The following TMEM39A variants were observed in gnomAD, a reference collection of about 807,000 sequenced individuals.
TMEM39A encodes the protein transmembrane protein 39A.
Under a neutral mutation model 51.9 loss-of-function variants are expected in TMEM39A, and 19 were observed. The observed-to-expected ratio is 0.37, with a 90% CI of 0.26 to 0.54. The LOEUF is 0.54. Among genes scored for constraint, TMEM39A ranks in the 20% least tolerant of loss-of-function variants. The pLI is 0.88. For missense variants in TMEM39A, 433 were observed against 590.5 expected (o/e 0.73, Z 2.76); for synonymous variants, 197 against 220.2 (o/e 0.89, Z 0.93).
intron 4 of TMEM39A, chr3:119,451,187 G>T: frequency 8.4e-7 from 1 of 1,196,934 alleles, no homozygotes; most frequent in Non-Finnish European, 1.1e-6. Context: ...TTCCTACTGT[G>T]AAAAACAAGG....
At chr3:119,463,292 AG>A (rs2081364065) in intron 1 of TMEM39A, 43 bp downstream of exon 1, 1 of 313,770 alleles carries the variant, frequency 3.2e-6, no homozygotes, top group Admixed American at 5.0e-5. Context: ...GGGCCGAGGC[AG>A]GTCCAGGACA....
intron 5 of TMEM39A, among the ~76,000 whole-genome samples, chr3:119,444,884 G>A (rs983363320): frequency 6.6e-6 from 1 of 152,002 alleles, no homozygotes; most frequent in Non-Finnish European, 1.5e-5. Flanking sequence ...CCTCAGCCTG[G>A]GCAACATGGT....
intron 2 of TMEM39A, among the ~76,000 whole-genome samples, chr3:119,460,541 A>G (rs1277583415): frequency 6.6e-6 from 1 of 152,214 alleles, no homozygotes; most frequent in Non-Finnish European, 1.5e-5. Flanking sequence ...AAAGAAGACG[A>G]GGAAAACTCA....
At chr3:119,448,248 G>A (rs56710033) in intron 4 of TMEM39A, among the ~76,000 whole-genome samples, 18,132 of 152,038 alleles carry the variant, frequency 0.12, 2,693 homozygotes, top group African/African-American at 0.35. Context: ...TTAAGTACTT[G>A]TCAAAACTTA....
intron 5 of TMEM39A, among the ~76,000 whole-genome samples, chr3:119,445,967 C>T (rs1219354366): frequency 1.3e-5 from 2 of 152,120 alleles, no homozygotes; most frequent in African/African-American, 4.8e-5. Context: ...TTCCAACACC[C>T]CAGTGGATGC....
At chr3:119,438,593 A>T (rs900446457) in intron 5 of TMEM39A, among the ~76,000 whole-genome samples, 2 of 152,218 alleles carry the variant, frequency 1.3e-5, no homozygotes, top group Non-Finnish European at 2.9e-5. Flanking sequence ...ATTTTTAAAG[A>T]TACAATAGTA....
At chr3:119,441,174 AC>A (rs2081048528) in intron 5 of TMEM39A, among the ~76,000 whole-genome samples, 1 of 152,162 alleles carries the variant, frequency 6.6e-6, no homozygotes, top group Admixed American at 6.5e-5. Context: ...CCAACTAATA[AC>A]CCTAAATGGC....
At chr3:119,441,393 A>C (rs78052926) in intron 5 of TMEM39A, among the ~76,000 whole-genome samples, 23,236 of 152,192 alleles carry the variant, frequency 0.15, 2,088 homozygotes, top group South Asian at 0.22. Context: ...GGTAACAAAG[A>C]AAACAGCCTC....
intron 5 of TMEM39A, 197 bp downstream of exon 5, chr3:119,446,820 TG>T: frequency 1.7e-6 from 1 of 602,528 alleles, no homozygotes; most frequent in Non-Finnish European, 2.8e-6. Flanking sequence ...AGGACAGTCC[TG>T]GTTTATGCCT....
intron 8 of TMEM39A, among the ~76,000 whole-genome samples, chr3:119,433,117 CT>C (rs1402534881): frequency 2.0e-5 from 3 of 152,086 alleles, no homozygotes; most frequent in African/African-American, 7.2e-5. Flanking sequence ...GTGATCAGAT[CT>C]AAAATAACTA....
chr3:119,442,342 CA>C (rs34133941), intron 5 of TMEM39A, among the ~76,000 whole-genome samples: 1,403 of 101,590 alleles, frequency 0.014, 15 homozygotes, highest in South Asian at 0.095. Flanking sequence ...GACTCCATCT[CA>C]AAAAAAAAAA....
In TMEM39A at chr3:119,432,162, C is replaced by A; in HGVS notation, c.1286G>T (p.Gly429Val). ...ATAGAGCTGATAGAAGACGACACTG[C>A]CCTCAATAAGGATGAGCAGATTTAA... Reference protein sequence around the residue: ...RLLNLLILIEGSVVFYQLYSL... With the variant: ...RLLNLLILIEVSVVFYQLYSL... Residue 429 changes from glycine (G) to valine (V), a missense_variant, in exon 9 of 9, where the codon GGC becomes GTC. Transcript: ENST00000319172. 1 of 1,613,008 alleles carries A rather than the reference C, an allele frequency of 6.2e-7. No individual in the cohort carries two copies. The highest frequency in any genetic ancestry group is 8.5e-7 in the Non-Finnish European group (1 of 1,179,396).
At position 119,437,773 on chromosome 3, in the gene TMEM39A, G is replaced by A. The variant is rs1367098568; in HGVS notation, c.906C>T (p.Leu302=). ...CACTTACCTTCACAAAACACAGGGG[G>A]AGAAATGCAACATAGTAGGCACTGA... ...SLFSAYYVAF[L]PLCFVKSTQY... The change falls in exon 6 of 9, where the codon CTC becomes CTT. Residue 302 remains leucine, a synonymous_variant. Transcript: ENST00000319172. 5 of 1,550,736 alleles carry A rather than the reference G, an allele frequency of 3.2e-6. No homozygotes were observed. The Admixed American group carries it at 7.4e-5, about 23-fold the overall frequency.
chr3:119,442,685 T>C (rs1178642189), intron 5 of TMEM39A, among the ~76,000 whole-genome samples: 1 of 152,176 alleles, frequency 6.6e-6, no homozygotes, highest in Non-Finnish European at 1.5e-5. Flanking sequence ...CCTACCCTCA[T>C]GGATGACTTT....
Position 119,431,926 on chromosome 3 carries a change from A to C in TMEM39A, c.*55T>G. On this transcript the variant is annotated 3_prime_UTR_variant, in exon 9 of 9. Coordinates refer to ENST00000319172, the MANE Select transcript of TMEM39A (RefSeq NM_018266.3). The stretch of plus-strand genomic sequence containing the variant: ...TATTTATAAAAATCACAAGAAAAAA[A>C]TAGAACGTATGAAAATATTTTTATC... 2 of 1,187,098 alleles carry C rather than the reference A, an allele frequency of 1.7e-6. No homozygotes were observed. Among genetic ancestry groups the C allele is most frequent in the Non-Finnish European group, 2.3e-6 (2 of 859,622 alleles). 73.5% of individuals were successfully genotyped at this position (1,187,098 alleles called of 1,614,324 possible).
intron 7 of TMEM39A, chr3:119,435,291 ATT>A: frequency 1.0e-6 from 1 of 985,436 alleles, no homozygotes; most frequent in South Asian, 4.7e-5. Flanking sequence ...TAGTGGAGAA[ATT>A]AGCACATTGT....
chr3:119,442,553 T>C (rs958927633), intron 5 of TMEM39A, among the ~76,000 whole-genome samples: 2 of 152,198 alleles, frequency 1.3e-5, no homozygotes, highest in African/African-American at 4.8e-5. Flanking sequence ...CCAATGGATC[T>C]GGGCAAAGTA....
intron 5 of TMEM39A, among the ~76,000 whole-genome samples, chr3:119,443,036 A>C (rs541770774): frequency 2.5e-4 from 36 of 143,308 alleles, no homozygotes; most frequent in African/African-American, 9.1e-4. Context: ...ACTGCACTCC[A>C]ACCTGGGCGA....
intron 1 of TMEM39A, among the ~76,000 whole-genome samples, chr3:119,462,761 A>G (rs2081356701): frequency 6.6e-6 from 1 of 151,024 alleles, no homozygotes; most frequent in East Asian, 2.0e-4. Context: ...TGGTATCTCT[A>G]TATGTTAGGG....
Sources: allele counts gnomAD v4.1 joint callset (sites outside exome capture counted in the v4.1 genomes callset), GRCh38; gene constraint gnomAD v4.1.1; transcripts MANE v1.5; gene names NCBI Gene and HGNC (gene_info 2026-07-23, HGNC 2026-07-21).